The following VPS13B variants were observed in gnomAD, a reference collection of about 807,000 sequenced individuals.
VPS13B encodes intermembrane lipid transfer protein VPS13B.
Under a neutral mutation model 426.4 loss-of-function variants are expected in VPS13B, and 285 were observed. That is an observed-to-expected ratio of 0.67 (90% CI 0.61 to 0.74). The LOEUF (loss-of-function observed/expected upper bound fraction) is 0.74. Ranked by LOEUF, VPS13B falls within the 30% of genes least tolerant of loss-of-function variation. The pLI is 0.00. For synonymous variants in VPS13B, 1,676 were observed against 1,676.4 expected, an observed-to-expected ratio of 1.00 and a Z score of 0.01; for missense variants, 4,537 against 4,782.6, an observed-to-expected ratio of 0.95 and a Z score of 1.51.
At chr8:99,225,596 C>T (rs182426992) in intron 17 of VPS13B, among the ~76,000 whole-genome samples, 71 of 152,268 alleles carry the variant, frequency 4.7e-4, no homozygotes, top group African/African-American at 1.6e-3. Context: ...TGTAAAACAC[C>T]TAGGAATTCT....
intron 3 of VPS13B, among the ~76,000 whole-genome samples, chr8:99,065,590 G>A (rs1322722894): frequency 3.9e-5 from 6 of 152,208 alleles, no homozygotes; most frequent in East Asian, 3.9e-4. Context: ...TTTGAAAACC[G>A]GCACAACACA....
chr8:99,092,079 C>T (rs911907487), intron 3 of VPS13B: 1 of 152,074 alleles, frequency 6.6e-6, no homozygotes, highest in Non-Finnish European at 1.5e-5. Context: ...TGATGGTTTT[C>T]TAGTTTTAGT....
intron 23 of VPS13B, among the ~76,000 whole-genome samples, chr8:99,465,798 T>G (rs952445271): frequency 2.0e-5 from 3 of 152,098 alleles, no homozygotes; most frequent in Non-Finnish European, 4.4e-5. Flanking sequence ...ATTTTAAATC[T>G]TAAGACAGAC....
intron 17 of VPS13B, among the ~76,000 whole-genome samples, chr8:99,220,780 CTT>C (rs5893485): frequency 1.2e-3 from 137 of 112,928 alleles, no homozygotes; most frequent in African/African-American, 4.3e-3. Flanking sequence ...TAGTTTTATT[CTT>C]TTTTTTTTTT....
intron 24 of VPS13B, among the ~76,000 whole-genome samples, chr8:99,478,442 G>GT (rs1819818315): frequency 1.1e-4 from 5 of 43,514 alleles, no homozygotes; most frequent in African/African-American, 1.7e-4. Flanking sequence ...TTGTTTTTTT[G>GT]TTTTGTTTTT....
chr8:99,160,501 A>G (rs1251323753), intron 15 of VPS13B, among the ~76,000 whole-genome samples: 4 of 151,940 alleles, frequency 2.6e-5, no homozygotes, highest in Non-Finnish European at 4.4e-5. Context: ...TCTACAAAAA[A>G]TACAAAAATT....
intron 2 of VPS13B, among the ~76,000 whole-genome samples, chr8:99,024,688 G>C (rs1306730793): frequency 1.3e-5 from 2 of 152,170 alleles, no homozygotes; most frequent in Admixed American, 1.3e-4. Context: ...GTACCATGCT[G>C]TTTTGATTAC....
chr8:99,177,013 A>G (rs1812667943), intron 16 of VPS13B, among the ~76,000 whole-genome samples: 1 of 152,172 alleles, frequency 6.6e-6, no homozygotes, highest in Admixed American at 6.5e-5. Context: ...ATTATTGAGG[A>G]GAAAGGATAT....
At position 99,367,689 on chromosome 8, in the gene VPS13B, C is replaced by G. The variant is rs1266301017; in HGVS notation, c.2825-16519C>G. Reference sequence around the variant, plus strand: ...GTAGATAGATGTGCTTTACTCTTCTCTTTTTTCTTTTGTCTCCTCTGGGTG... The same window carrying G: ...GTAGATAGATGTGCTTTACTCTTCTGTTTTTTCTTTTGTCTCCTCTGGGTG... On this transcript the variant is annotated intron_variant, in intron 19 of 61. Transcript: ENST00000357162. Among the ~76,000 whole-genome samples the G allele has an allele frequency of 2.0e-5, 3 of 152,132 alleles. No individual in the cohort carries two copies. In the East Asian group the frequency reaches 5.8e-4, roughly 29 times the overall value.
chr8:99,360,194 C>T (rs1473163472), intron 19 of VPS13B, among the ~76,000 whole-genome samples: 36 of 38,852 alleles, frequency 9.3e-4, no homozygotes, highest in Middle Eastern at 0.016. Context: ...TTCTTTCTCT[C>T]TCTCTCTCTC....
rs533793849 is a variant in VPS13B, at chr8:99,263,605, A to G, written c.2516-10593A>G. 2.6e-5 allele frequency among the ~76,000 whole-genome samples: 4 copies of G among 152,248 alleles called. No homozygotes were observed. In the East Asian group the frequency reaches 7.7e-4, roughly 29 times the overall value. ...CCTTCCCCCATCTCTAAAGCCAGCA[A>G]TGTTACATTTCCGTGAGTGTGCATC... On this transcript the variant is annotated intron_variant, in intron 17 of 61. Coordinates refer to ENST00000357162, the MANE Select transcript of VPS13B (RefSeq NM_152564.5).
At chr8:99,186,817 A>T (rs532626351) in intron 16 of VPS13B, among the ~76,000 whole-genome samples, 1 of 152,284 alleles carries the variant, frequency 6.6e-6, no homozygotes, top group East Asian at 1.9e-4. Context: ...ATAATTAAGG[A>T]GAGAATTTTT....
At chr8:99,270,131 C>CTTTTTTTTTTTG (rs1818504719) in intron 17 of VPS13B, among the ~76,000 whole-genome samples, 1 of 30,312 alleles carries the variant, frequency 3.3e-5, no homozygotes, top group Non-Finnish European at 6.0e-5. Context: ...ATATAAGAAT[C>CTTTTTTTTTTTG]TTTTTTTTTT....
At chr8:99,575,832 T>G (rs753710040) in intron 32 of VPS13B, 48 bp downstream of exon 32, 2 of 1,586,488 alleles carry the variant, frequency 1.3e-6, no homozygotes, top group Admixed American at 3.4e-5. Context: ...ATGGAATTGC[T>G]CCTCTTTGTA....
chr8:99,135,723 C>G lies in VPS13B; in HGVS notation c.1553C>G (p.Thr518Ser). The G allele has an allele frequency of 6.2e-7, 1 of 1,613,202 alleles. No individual in the cohort carries two copies. The highest frequency in any genetic ancestry group is 8.5e-7 in the Non-Finnish European group (1 of 1,179,390). The change falls in exon 11 of 62, where the codon ACT (threonine) becomes AGT (serine). Residue 518 changes from threonine to serine, a missense_variant. Coordinates refer to ENST00000357162, the MANE Select transcript of VPS13B (RefSeq NM_152564.5). ...GTRAEFILDS[T>S]HHKETYTEIA... is the part of the protein sequence containing the mutation. ...CGCGCAGAATTTATCTTGGATTCAA[C>G]TCATCATAAGGTTAGAGAATATATA... is the stretch of plus-strand genomic sequence containing the variant.
intron 23 of VPS13B, among the ~76,000 whole-genome samples, chr8:99,452,823 A>G (rs1472967631): frequency 6.6e-6 from 1 of 152,140 alleles, no homozygotes. Flanking sequence ...AAAGGGAGAG[A>G]TGATCTCTAA....
At chr8:99,576,123 G>A (rs889241217) in intron 32 of VPS13B, among the ~76,000 whole-genome samples, 6 of 152,088 alleles carry the variant, frequency 3.9e-5, no homozygotes, top group African/African-American at 1.4e-4. Flanking sequence ...TTGCCCTCTA[G>A]ATTGTCATAA....
At chr8:99,082,942 C>A (rs1002710302) in intron 3 of VPS13B, among the ~76,000 whole-genome samples, 7 of 152,070 alleles carry the variant, frequency 4.6e-5, no homozygotes, top group South Asian at 2.1e-4. Context: ...CTTGGCAATG[C>A]GGGCTCTTTT....
intron 25 of VPS13B, among the ~76,000 whole-genome samples, chr8:99,497,776 T>C (rs993502089): frequency 1.3e-5 from 2 of 152,148 alleles, no homozygotes; most frequent in African/African-American, 2.4e-5. Context: ...AACAACCGTT[T>C]AGATAGTATA....
Sources: gnomAD v4.1 joint callset for allele counts (sites outside exome capture counted in the v4.1 genomes callset) on GRCh38, gnomAD v4.1.1 for gene constraint, MANE v1.5 for transcripts, NCBI Gene and HGNC (gene_info 2026-07-23, HGNC 2026-07-21) for gene names.